RARB: variants seen among roughly 807,000 people sequenced by gnomAD.
RARB encodes HBV-activated protein.
Under a neutral mutation model 51.9 loss-of-function variants are expected in RARB, and 17 were observed. The observed-to-expected ratio is 0.33, with a 90% CI of 0.22 to 0.49. RARB has a LOEUF of 0.49. RARB is among the 20% of genes least tolerant of loss of function. The pLI is 0.99. For synonymous variants in RARB, 215 were observed against 195.4 expected, an observed-to-expected ratio of 1.10 and a Z score of -0.84; for missense variants, 369 against 550.8, an observed-to-expected ratio of 0.67 and a Z score of 3.30.
intron 5 of RARB, among the ~76,000 whole-genome samples, chr3:25,368,110 GA>G (rs917512430): frequency 6.6e-6 from 1 of 152,152 alleles, no homozygotes; most frequent in African/African-American, 2.4e-5. Flanking sequence ...GTAGGGGCTT[GA>G]AAATCTTTCC....
At chr3:25,046,424 C>T (rs1187637860) in intron 2 of RARB, among the ~76,000 whole-genome samples, 1 of 152,086 alleles carries the variant, frequency 6.6e-6, no homozygotes, top group Non-Finnish European at 1.5e-5. Flanking sequence ...GACAAGATAT[C>T]CTAGGCTTCT....
intron 1 of RARB, among the ~76,000 whole-genome samples, chr3:24,830,752 G>C (rs1702269407): frequency 1.3e-5 from 2 of 152,152 alleles, no homozygotes; most frequent in African/African-American, 4.8e-5. Flanking sequence ...GAGAGAAGAG[G>C]AAAGAGGTAG....
chr3:25,224,634 G>T (rs899044545), intron 5 of RARB, among the ~76,000 whole-genome samples: 1 of 152,064 alleles, frequency 6.6e-6, no homozygotes, highest in Admixed American at 6.6e-5. Context: ...TTGAGACAGG[G>T]TCTCACTCTT....
chr3:24,898,605 G>C (rs1413231261), intron 2 of RARB, among the ~76,000 whole-genome samples: 2 of 152,092 alleles, frequency 1.3e-5, no homozygotes, highest in Non-Finnish European at 2.9e-5. Flanking sequence ...ATTTTGGTAA[G>C]GATTTGGGGT....
intron 2 of RARB, among the ~76,000 whole-genome samples, chr3:24,972,443 A>G (rs563187331): frequency 6.6e-6 from 1 of 152,196 alleles, no homozygotes; most frequent in South Asian, 2.1e-4. Flanking sequence ...TCATGCTGCA[A>G]TAAACATTGC....
chr3:25,449,501 C>T (rs1021961244), intron 1 of RARB, among the ~76,000 whole-genome samples: 7 of 152,274 alleles, frequency 4.6e-5, no homozygotes, highest in Middle Eastern at 3.4e-3. Flanking sequence ...CCTGCATACT[C>T]TAAAACTTCC....
chr3:24,893,569 T>C (rs573748478), intron 2 of RARB, among the ~76,000 whole-genome samples: 1 of 152,352 alleles, frequency 6.6e-6, no homozygotes, highest in South Asian at 2.1e-4. Flanking sequence ...TTGTCTAGGC[T>C]GGAGTGCAGT....
intron 5 of RARB, among the ~76,000 whole-genome samples, chr3:25,302,484 T>C (rs1171423936): frequency 6.6e-6 from 1 of 152,214 alleles, no homozygotes; most frequent in Non-Finnish European, 1.5e-5. Context: ...GAATACATTA[T>C]GCTGAGTAAA....
At chr3:24,841,692 TAAC>T (rs1702423444) in intron 1 of RARB, among the ~76,000 whole-genome samples, 1 of 152,160 alleles carries the variant, frequency 6.6e-6, no homozygotes, top group Non-Finnish European at 1.5e-5. Context: ...TAATAACAAA[TAAC>T]AACTAATAAA....
intron 3 of RARB, among the ~76,000 whole-genome samples, chr3:25,522,298 C>A (rs982083736): frequency 6.6e-6 from 1 of 152,018 alleles, no homozygotes; most frequent in Non-Finnish European, 1.5e-5. Context: ...CAGTAAACTG[C>A]GGTTGGGAAG....
At chr3:25,169,790 C>A (rs1315551384) in intron 4 of RARB, among the ~76,000 whole-genome samples, 3 of 151,904 alleles carry the variant, frequency 2.0e-5, no homozygotes, top group African/African-American at 7.3e-5. Flanking sequence ...GAGTTCGAGA[C>A]CAGCCCAGGC....
chr3:25,018,356 C>T (rs554048653), intron 2 of RARB, among the ~76,000 whole-genome samples: 9 of 152,302 alleles, frequency 5.9e-5, no homozygotes, highest in African/African-American at 2.2e-4. Flanking sequence ...TCTAATCTCT[C>T]ACAAACTGGA....
chr3:24,906,504 C>G (rs1486412337), intron 2 of RARB, among the ~76,000 whole-genome samples: 1 of 152,092 alleles, frequency 6.6e-6, no homozygotes, highest in Non-Finnish European at 1.5e-5. Context: ...TTAGATTTAT[C>G]ATTTTGGGAA....
At chr3:25,248,945 C>A (rs1010280418) in intron 5 of RARB, among the ~76,000 whole-genome samples, 2 of 152,064 alleles carry the variant, frequency 1.3e-5, no homozygotes, top group African/African-American at 4.8e-5. Context: ...TTTTGAAAGT[C>A]TTTGAGCTTT....
At chr3:24,977,662 G>A (rs1467178709) in intron 2 of RARB, among the ~76,000 whole-genome samples, 7 of 152,252 alleles carry the variant, frequency 4.6e-5, no homozygotes, top group African/African-American at 1.7e-4. Flanking sequence ...GGCTGAGACT[G>A]TGGGGTTTTC....
At chr3:25,345,664 C>CAAAAAAAA (rs71061207) in intron 5 of RARB, among the ~76,000 whole-genome samples, 8 of 96,508 alleles carry the variant, frequency 8.3e-5, no homozygotes, top group Admixed American at 2.7e-4. Flanking sequence ...GACTCCGTCT[C>CAAAAAAAA]AAAAAAAAAA....
intron 2 of RARB, among the ~76,000 whole-genome samples, chr3:25,056,298 G>A (rs957152112): frequency 6.6e-6 from 1 of 152,094 alleles, no homozygotes; most frequent in Non-Finnish European, 1.5e-5. Context: ...AGCACATCAG[G>A]GGAGGGAAAA....
chr3:25,210,830 C>A (rs1701678752), intron 5 of RARB, among the ~76,000 whole-genome samples: 1 of 152,032 alleles, frequency 6.6e-6, no homozygotes, highest in African/African-American at 2.4e-5. Flanking sequence ...CCACCATGCC[C>A]AGCCTTTGTC....
At chr3:25,333,683 T>A (rs1704973328) in intron 5 of RARB, among the ~76,000 whole-genome samples, 1 of 152,176 alleles carries the variant, frequency 6.6e-6, no homozygotes, top group African/African-American at 2.4e-5. Context: ...AAATGGGATC[T>A]AATTAAACTA....
Sources: gnomAD v4.1 joint callset for allele counts (sites outside exome capture counted in the v4.1 genomes callset) on GRCh38, gnomAD v4.1.1 for gene constraint, MANE v1.5 for transcripts, NCBI Gene and HGNC (gene_info 2026-07-23, HGNC 2026-07-21) for gene names.